PRORP: variants seen among roughly 807,000 people sequenced by gnomAD.
PRORP encodes the protein protein only RNase P catalytic subunit.
A neutral mutation model predicts 59.4 loss-of-function variants in PRORP; 51 were observed. The ratio of observed to expected loss-of-function variants is 0.86; its 90% CI spans 0.69 to 1.08. The LOEUF is 1.08. PRORP is among the 50% of genes least tolerant of loss of function. The pLI, the probability that PRORP is intolerant of heterozygous loss-of-function variation, is 0.00. For missense variants in PRORP, 646 were observed against 690.3 expected (o/e 0.94, Z 0.72); for synonymous variants, 231 against 245.6 (o/e 0.94, Z 0.55).
At chr14:35,141,802 G>T (rs2047486025) in intron 4 of PRORP, among the ~76,000 whole-genome samples, 1 of 144,218 alleles carries the variant, frequency 6.9e-6, no homozygotes. Context: ...CTGCAGCTGA[G>T]ACCTCCTGGG....
intron 5 of PRORP, among the ~76,000 whole-genome samples, chr14:35,256,149 T>C (rs961069741): frequency 6.7e-6 from 1 of 150,260 alleles, no homozygotes; most frequent in Admixed American, 6.6e-5. Context: ...TTGGGCGTGG[T>C]GGCAGGCACC....
chr14:35,138,783 C>T (rs1156317446), intron 4 of PRORP, among the ~76,000 whole-genome samples: 2 of 138,932 alleles, frequency 1.4e-5, no homozygotes, highest in Non-Finnish European at 3.2e-5. Flanking sequence ...GGACCTCAGC[C>T]ACTAAAGATA....
At chr14:35,175,212 T>C (rs1203860436) in intron 4 of PRORP, among the ~76,000 whole-genome samples, 2 of 152,118 alleles carry the variant, frequency 1.3e-5, no homozygotes, top group Non-Finnish European at 2.9e-5. Flanking sequence ...TACATGTGCA[T>C]GTGTCTTTAT....
chr14:35,158,237 A>C (rs2047967383), intron 4 of PRORP: 1 of 250,532 alleles, frequency 4.0e-6, no homozygotes, highest in Non-Finnish European at 8.1e-6. Context: ...TATCAACTCC[A>C]TTATAAGTCA....
intron 4 of PRORP, among the ~76,000 whole-genome samples, chr14:35,152,437 G>A (rs2047783208): frequency 6.6e-6 from 1 of 152,204 alleles, no homozygotes. Context: ...TTCTCAATGA[G>A]CTGTTGGGTA....
At chr14:35,140,831 T>C (rs80174375) in intron 4 of PRORP, among the ~76,000 whole-genome samples, 10,455 of 145,798 alleles carry the variant, frequency 0.072, 1,771 homozygotes, top group Middle Eastern at 0.14. Context: ...GAGAAAAATC[T>C]CAGTTATTAT....
chr14:35,223,223 C>G (rs1486556926), intron 5 of PRORP, among the ~76,000 whole-genome samples: 1 of 82,246 alleles, frequency 1.2e-5, no homozygotes, highest in Non-Finnish European at 2.9e-5. Context: ...TTATCAGGTG[C>G]TCTTTTTTTT....
intron 4 of PRORP, among the ~76,000 whole-genome samples, chr14:35,145,804 A>ATTGATTATTTAT (rs2047593467): frequency 4.7e-5 from 1 of 21,396 alleles, no homozygotes; most frequent in Non-Finnish European, 1.2e-4. Flanking sequence ...ATTTTATTTG[A>ATTGATTATTTAT]TTATTTATTT....
Position 35,124,061 on chromosome 14 carries a change from T to C in PRORP, c.816T>C (p.Gly272=). 3 of 1,614,012 alleles carry C rather than the reference T, an allele frequency of 1.9e-6. No individual in the cohort carries two copies. The change falls in exon 2 of 8, where the codon GGT becomes GGC. Residue 272 remains glycine, a synonymous_variant. Transcript: ENST00000534898. ...TAWNLYQELL[G]HDIVPMLETL... ...GGAATTTATATCAGGAATTGCTAGG[T>C]CATGATATTGTTCCTATGTTGGAAA...
chr14:35,189,017 T>G (rs2048817027), intron 5 of PRORP, among the ~76,000 whole-genome samples: 2 of 151,726 alleles, frequency 1.3e-5, no homozygotes, highest in East Asian at 1.9e-4. Flanking sequence ...CTTCTAAGAG[T>G]TTTATAGTTT....
intron 4 of PRORP, among the ~76,000 whole-genome samples, chr14:35,175,255 A>G (rs866072179): frequency 6.6e-6 from 1 of 152,012 alleles, no homozygotes; most frequent in African/African-American, 2.4e-5. Flanking sequence ...TGGGTATATA[A>G]CCAGTAATGG....
chr14:35,197,291 A>T (rs1384748304), intron 5 of PRORP, among the ~76,000 whole-genome samples: 2 of 152,168 alleles, frequency 1.3e-5, no homozygotes, highest in Non-Finnish European at 2.9e-5. Context: ...AGAGTGTGGT[A>T]GGAAGAGGCC....
chr14:35,183,344 T>G (rs960715378), intron 5 of PRORP, among the ~76,000 whole-genome samples: 1 of 152,120 alleles, frequency 6.6e-6, no homozygotes, highest in African/African-American at 2.4e-5. Flanking sequence ...GTTTTTTGAA[T>G]TTTCTTTTAC....
intron 7 of PRORP, among the ~76,000 whole-genome samples, 182 bp downstream of exon 7, chr14:35,270,778 C>T (rs898040413): frequency 5.3e-5 from 8 of 151,994 alleles, no homozygotes; most frequent in African/African-American, 1.7e-4. Context: ...ATAGGCCAAC[C>T]TCAAATTAAT....
intron 4 of PRORP, among the ~76,000 whole-genome samples, chr14:35,161,602 G>T (rs895853712): frequency 1.3e-5 from 2 of 151,934 alleles, no homozygotes; most frequent in African/African-American, 4.8e-5. Flanking sequence ...GGCCTGATTT[G>T]TTTCTTTCTA....
At position 35,266,805 on chromosome 14, in the gene PRORP, A is replaced by T; in HGVS notation, c.1354A>T (p.Ser452Cys). 1 of 1,614,178 alleles carries T rather than the reference A, an allele frequency of 6.2e-7. No individual in the cohort carries two copies. Among genetic ancestry groups the T allele is most frequent in the Non-Finnish European group, 8.5e-7 (1 of 1,180,012 alleles). Residue 452 changes from serine (S) to cysteine (C), a missense_variant, in exon 6 of 8, where the codon AGT (serine) becomes TGT (cysteine). Transcript: ENST00000534898. ...AGGCCGGAAGCACATGCTAAGACGG[A>T]GTTCCCAGTGGAGTCGGGATGAGAT... Reference protein sequence around the residue: ...VLGRKHMLRRSSQWSRDEMEE... With the variant: ...VLGRKHMLRRCSQWSRDEMEE...
At chr14:35,255,168 C>G (rs532115692) in intron 5 of PRORP, among the ~76,000 whole-genome samples, 41 of 152,290 alleles carry the variant, frequency 2.7e-4, no homozygotes, top group African/African-American at 9.9e-4. Context: ...CACTTTGTCT[C>G]CCAGGCTGGA....
chr14:35,179,739 A>G (rs79264120), intron 4 of PRORP, among the ~76,000 whole-genome samples: 28,047 of 152,168 alleles, frequency 0.18, 2,840 homozygotes, highest in Admixed American at 0.27. Flanking sequence ...CTCTCAACTC[A>G]TCAAAGTCAT....
chr14:35,122,374 T>C (rs1044872042), upstream of PRORP: 1 of 181,832 alleles, frequency 5.5e-6, no homozygotes. Flanking sequence ...TGCGGATATC[T>C]GGAAGCCTTC....
Sources: gnomAD v4.1 joint callset for allele counts (sites outside exome capture counted in the v4.1 genomes callset) on GRCh38, gnomAD v4.1.1 for gene constraint, MANE v1.5 for transcripts, NCBI Gene and HGNC (gene_info 2026-07-23, HGNC 2026-07-21) for gene names.